The following SIX5 variants were observed in gnomAD, a reference collection of about 807,000 sequenced individuals.
The protein encoded by SIX5 is SIX homeobox 5.
In SIX5, 21 loss-of-function variants were observed where a neutral mutation model predicts 37.1. The ratio of observed to expected loss-of-function variants is 0.57; its 90% CI spans 0.40 to 0.81. SIX5 has a LOEUF of 0.81. Ranked by LOEUF, SIX5 falls within the 40% of genes least tolerant of loss-of-function variation. The pLI, the probability that SIX5 is intolerant of heterozygous loss-of-function variation, is 0.00. For synonymous variants in SIX5, 626 were observed against 505.9 expected, an observed-to-expected ratio of 1.24 and a Z score of -3.19; for missense variants, 1,137 against 1,025.1, an observed-to-expected ratio of 1.11 and a Z score of -1.49.
In SIX5 at chr19:45,768,776, C is replaced by T. The variant is rs1019103419; in HGVS notation, c.69G>A (p.Ala23=). 1.3e-6 allele frequency: 2 copies of T among 1,528,380 alleles called. No individual in the cohort carries two copies. The highest frequency in any genetic ancestry group is 8.7e-7 in the Non-Finnish European group (1 of 1,143,666). The allele number at this position is 1,528,380 out of a possible 1,614,324, so 94.7% of individuals were successfully genotyped here. The stretch of plus-strand genomic sequence containing the variant: ...CTTCCTCCTCCTCCTCTTCGGTCGC[C>T]GCCGCCGCCGCCACCGCCTCCCCCC... ...AAGGEAVAAA[A]ATEEEEEEAR... The change falls in exon 1 of 3, where the codon GCG becomes GCA. Residue 23 remains alanine (A), a synonymous_variant. Coordinates refer to ENST00000317578, the MANE Select transcript of SIX5 (RefSeq NM_175875.5).
In SIX5 at chr19:45,766,330, A is replaced by G; in HGVS notation, c.1609+20T>C. The stretch of plus-strand genomic sequence containing the variant: ...CCTCCCCGGCTCTCACCTAGGCCTG[A>G]GGGAGGGAGATGGGGGTACCTGGGG... On this transcript the variant is annotated intron_variant, in intron 2 of 2. Transcript: ENST00000317578. 6.4e-7 allele frequency: 1 copy of G among 1,564,770 alleles called. No homozygotes were observed.
rs112320524 is a variant in SIX5 at position 45,765,548 on chromosome 19, G to A, written c.2173C>T (p.Leu725=). 503 of 1,613,474 alleles carry A rather than the reference G, an allele frequency of 3.1e-4. 2 individuals carry two copies. In the African/African-American group the frequency reaches 5.8e-3, roughly 19 times the overall value. The change falls in exon 3 of 3, where the codon CTG becomes TTG. Residue 725 remains leucine, a synonymous_variant. Transcript: ENST00000317578. ...DEGLEAEAKV[L]TQLQSVPVEE... is the part of the protein sequence containing the mutation. ...ACAGGCACCGACTGGAGCTGGGTCA[G>A]AACCTTGGCCTCAGCTTCCAACCCC... is the stretch of plus-strand genomic sequence containing the variant.
Position 45,765,625 on chromosome 19 carries a change from G to T in SIX5, c.2096C>A (p.Pro699His), listed in dbSNP as rs1375477111. ...APHTVLRLPD[P>H]DPEGLLLGAT... ...CCCCAGGAGCAGCCCCTCAGGGTCG[G>T]GGTCTGGCAGCCTCAGCACGGTGTG... The change falls in exon 3 of 3, where the codon CCC becomes CAC. Residue 699 changes from proline (P) to histidine (H), a missense_variant. By Grantham distance (77) the Pro-to-His change is moderately conservative (BLOSUM62 -2). This residue lies in a region of SIX5 where 787 missense variants were observed against 621.4 expected (regional missense o/e 1.27). Coordinates refer to ENST00000317578, the MANE Select transcript of SIX5 (RefSeq NM_175875.5). The T allele has an allele frequency of 6.2e-7, 1 of 1,612,724 alleles. No homozygotes were observed. The highest frequency in any genetic ancestry group is 8.5e-7 in the Non-Finnish European group (1 of 1,179,556).
Position 45,768,488 on chromosome 19 carries a change from G to C in SIX5, c.357C>G (p.Arg119=). ...GCAACACCGGGTCGCTGCCACGTAG[G>C]CGCTCGGCCGGGGGCAGTGCGCCCA... ...RFLGALPPAE[R]LRGSDPVLRA... Residue 119 remains arginine, a synonymous_variant, in exon 1 of 3, where the codon CGC becomes CGG. Transcript: ENST00000317578. The C allele has an allele frequency of 1.3e-6, 2 of 1,522,120 alleles. No individual in the cohort carries two copies. Among genetic ancestry groups the C allele is most frequent in the Non-Finnish European group, 1.8e-6 (2 of 1,141,228 alleles). The allele number at this position is 1,522,120 out of a possible 1,614,324, so 94.3% of individuals were successfully genotyped here.
At position 45,767,082 on chromosome 19, in the gene SIX5, G is replaced by C. The variant is rs939927957; in HGVS notation, c.877C>G (p.Pro293Ala). ...TGGGCAGCGGCCTCGGCGGACACTG[G>C]GGCCGCCCCTCTCTCCAGGTCCTCA... ...SPEDLERGAA[P>A]VSAEAAAQGS... Residue 293 changes from proline (P) to alanine (A), a missense_variant, in exon 2 of 3, where the codon CCA becomes GCA. Around this residue, in one of 3 missense-constraint regions of SIX5, gnomAD observed 787 missense variants for 621.4 expected, o/e 1.27. Coordinates refer to ENST00000317578, the MANE Select transcript of SIX5 (RefSeq NM_175875.5). The C allele has an allele frequency of 2.5e-6, 4 of 1,609,732 alleles. No individual in the cohort carries two copies. The highest frequency in any genetic ancestry group is 3.3e-5 in the Admixed American group (2 of 59,970).
In SIX5 at chr19:45,766,618, A is replaced by G. The variant is rs1969080372; in HGVS notation, c.1341T>C (p.Ala447=). ...GCGGTACCACTTGTGGGGCAGCCAC[A>G]GCAGGCACTGGCCCCGGGGGCAGAG... ...TFPLPPGPVP[A]VAAPQVVPLS... is the part of the protein sequence containing the mutation. The change falls in exon 2 of 3, where the codon GCT becomes GCC. Residue 447 remains alanine, a synonymous_variant. Coordinates refer to ENST00000317578, the MANE Select transcript of SIX5 (RefSeq NM_175875.5). The G allele has an allele frequency of 6.8e-7, 1 of 1,471,330 alleles. No homozygotes were observed. The highest frequency in any genetic ancestry group is 1.4e-5 in the African/African-American group (1 of 70,700). The allele number at this position is 1,471,330 out of a possible 1,614,324, so 91.1% of individuals were successfully genotyped here.
At position 45,766,386 on chromosome 19, in the gene SIX5, C is replaced by T. The variant is rs756098782; in HGVS notation, c.1573G>A (p.Val525Met). Residue 525 changes from valine (V) to methionine (M), a missense_variant, in exon 2 of 3, where the codon GTG (valine) becomes ATG (methionine). Val to Met is a conservative substitution (Grantham distance 21). Transcript: ENST00000317578. The part of the protein sequence containing the change: ...NVHLINSGVG[V>M]TALQLPSATA... ...GCCGAAGGCAGCTGCAGGGCAGTCACGCCCACCCCGGAGTTGATGAGGTGC... is the reference window on the plus strand; with the variant it reads ...GCCGAAGGCAGCTGCAGGGCAGTCATGCCCACCCCGGAGTTGATGAGGTGC... The T allele has an allele frequency of 1.9e-5, 31 of 1,590,042 alleles. No homozygotes were observed. Among genetic ancestry groups the T allele is most frequent in the Non-Finnish European group, 3.4e-6 (4 of 1,169,700 alleles).
rs917443476 is a variant in SIX5, at chr19:45,768,534, G to C, written c.311C>G (p.Ala104Gly). ...GCCCAGGAAGCGGCTCAAGCGGCCG[G>C]CGTGGCCCGCCTGGAGCAGCGCCTC... ...VCEALLQAGH[A>G]GRLSRFLGAL... is the part of the protein sequence containing the mutation. The change falls in exon 1 of 3, where the codon GCC becomes GGC. Residue 104 changes from alanine (A) to glycine (G), a missense_variant. Ala to Gly is a moderately conservative substitution (Grantham distance 60). Coordinates refer to ENST00000317578, the MANE Select transcript of SIX5 (RefSeq NM_175875.5). The C allele has an allele frequency of 1.4e-6, 2 of 1,424,616 alleles. No individual in the cohort carries two copies. Among genetic ancestry groups the C allele is most frequent in the African/African-American group, 3.0e-5 (2 of 66,252 alleles). The allele number at this position is 1,424,616 out of a possible 1,614,324, so 88.2% of individuals were successfully genotyped here. A position where few individuals can be genotyped will look rare whatever the true frequency, so the allele number is the denominator to read the frequency against.
At position 45,768,954 on chromosome 19, in the gene SIX5, A is replaced by G. The variant is rs976090852; in HGVS notation, c.-110T>C. 1 of 1,043,104 alleles carries G rather than the reference A, an allele frequency of 9.6e-7. No individual in the cohort carries two copies. Among genetic ancestry groups the G allele is most frequent in the Non-Finnish European group, 1.3e-6 (1 of 752,490 alleles). The allele number at this position is 1,043,104 out of a possible 1,614,324, so 64.6% of individuals were successfully genotyped here. A position where few individuals can be genotyped will look rare whatever the true frequency, so the allele number is the denominator to read the frequency against. On this transcript the variant is annotated 5_prime_UTR_variant, in exon 1 of 3. Coordinates refer to ENST00000317578, the MANE Select transcript of SIX5 (RefSeq NM_175875.5). ...TCGCCCCCACTCCCCGCTCTTCTCG[A>G]TCTTCTTTCTGGCCGACCCTGCGCC...
intron 2 of SIX5, 100 bp downstream of exon 2, chr19:45,766,250 G>A: frequency 6.7e-7 from 1 of 1,493,034 alleles, no homozygotes; most frequent in Non-Finnish European, 9.0e-7. Context: ...TGCCAGGGAT[G>A]AGATGCCCTC....
Position 45,769,013 on chromosome 19 carries a change from C to A in SIX5, c.-169G>T, listed in dbSNP as rs1178943291. 1 of 632,590 alleles carries A rather than the reference C, an allele frequency of 1.6e-6. No homozygotes were observed. Among genetic ancestry groups the A allele is most frequent in the Non-Finnish European group, 2.7e-6 (1 of 363,916 alleles). 39.2% of individuals were successfully genotyped at this position (632,590 alleles called of 1,614,324 possible). On this transcript the variant is annotated 5_prime_UTR_variant, in exon 1 of 3. Transcript: ENST00000317578. ...GGAAGGCGAGATCCAGCTCTCCACT[C>A]GGGTCTCTGTCCCCTTGTGTGTGTC...
intron 1 of SIX5, chr19:45,767,708 C>T (rs1034290018): frequency 2.4e-6 from 1 of 411,078 alleles, no homozygotes; most frequent in African/African-American, 2.1e-5. Flanking sequence ...GGAGGCAGCC[C>T]CTACGCGGAG....
Position 45,768,325 on chromosome 19 carries a change from G to C in SIX5, c.520C>G (p.Arg174Gly). Reference protein sequence around the residue: ...YLRARYHEAERARGRALGAVD... With the variant: ...YLRARYHEAEGARGRALGAVD... Reference sequence around the variant, plus strand: ...GCGCCAAGCGCGCGGCCGCGGGCCCGCTCGGCCTCATGGTAGCGCGCGCGC... The same window carrying C: ...GCGCCAAGCGCGCGGCCGCGGGCCCCCTCGGCCTCATGGTAGCGCGCGCGC... Residue 174 changes from arginine (R) to glycine (G), a missense_variant, in exon 1 of 3, where the codon CGG becomes GGG. Transcript: ENST00000317578. 3 of 1,605,994 alleles carry C rather than the reference G, an allele frequency of 1.9e-6. No individual in the cohort carries two copies. Among genetic ancestry groups the C allele is most frequent in the East Asian group, 4.5e-5 (2 of 44,630 alleles).
chr19:45,768,801 CCA>C lies in SIX5; in HGVS notation c.42_43del (p.Glu17GlyfsTer28). 1 of 1,530,144 alleles carries C rather than the reference CCA, an allele frequency of 6.5e-7. No individual in the cohort carries two copies. Among genetic ancestry groups the C allele is most frequent in the Non-Finnish European group, 8.7e-7 (1 of 1,144,386 alleles). The allele number at this position is 1,530,144 out of a possible 1,614,324, so 94.8% of individuals were successfully genotyped here. On this transcript the variant is annotated frameshift_variant, in exon 1 of 3. Coordinates refer to ENST00000317578, the MANE Select transcript of SIX5 (RefSeq NM_175875.5). LOFTEE classifies it high-confidence loss of function. ...CGCCGCCGCCGCCACCGCCTCCCCC[CCA>C]GCCGCCGGCCCCGCGCTCGGCTCCG...
Position 45,768,466 on chromosome 19 carries a change from A to G in SIX5, c.379T>C (p.Leu127=). Residue 127 remains leucine, a synonymous_variant, in exon 1 of 3, where the codon TTG becomes CTG. Transcript: ENST00000317578. ...AAGGCCACCAGGGCCCGCGCGCGCA[A>G]CACCGGGTCGCTGCCACGTAGGCGC... ...AERLRGSDPV[L]RARALVAFQR... 6.5e-7 allele frequency: 1 copy of G among 1,527,460 alleles called. No individual in the cohort carries two copies. The highest frequency in any genetic ancestry group is 8.7e-7 in the Non-Finnish European group (1 of 1,143,566). The allele number at this position is 1,527,460 out of a possible 1,614,324, so 94.6% of individuals were successfully genotyped here.
chr19:45,764,912 G>A lies in SIX5; in HGVS notation c.*589C>T, dbSNP rs529739397. On this transcript the variant is annotated 3_prime_UTR_variant, in exon 3 of 3. Transcript: ENST00000317578. ...GCCCCCAGGGATGAGGGAATCTTTG[G>A]TCTGGGCCGGATAATGAGGACAAGG... 144 of 163,026 alleles carry A rather than the reference G, an allele frequency of 8.8e-4. No individual in the cohort carries two copies. Among genetic ancestry groups the A allele is most frequent in the Middle Eastern group, 6.5e-3 (2 of 310 alleles). 10.1% of individuals were successfully genotyped at this position (163,026 alleles called of 1,614,324 possible).
intron 2 of SIX5, 83 bp downstream of exon 2, chr19:45,766,267 C>T (rs1047203313): frequency 8.7e-6 from 13 of 1,496,720 alleles, no homozygotes; most frequent in Non-Finnish European, 1.2e-5. Flanking sequence ...CCTCCAGGAG[C>T]CCAGGGACAG....
In SIX5 at chr19:45,765,594, G is replaced by A. The variant is rs777719463; in HGVS notation, c.2127C>T (p.Thr709=). 17 of 1,613,206 alleles carry A rather than the reference G, an allele frequency of 1.1e-5. No individual in the cohort carries two copies. The highest frequency in any genetic ancestry group is 2.7e-5 in the African/African-American group (2 of 74,934). The change falls in exon 3 of 3, where the codon ACC becomes ACT. Residue 709 remains threonine (T), a synonymous_variant. Transcript: ENST00000317578. ...ACCCCTCGTCAACCTCACCCCCTGC[G>A]GTGGCCCCCAGGAGCAGCCCCTCAG... ...PDPEGLLLGA[T]AGGEVDEGLE...
Position 45,769,069 on chromosome 19 carries a change from CTT to C in SIX5, c.-227_-226del, listed in dbSNP as rs1225314610. 11 of 507,990 alleles carry C rather than the reference CTT, an allele frequency of 2.2e-5. No individual in the cohort carries two copies. Among genetic ancestry groups the C allele is most frequent in the Admixed American group, 3.5e-5 (1 of 28,344 alleles). 31.5% of individuals were successfully genotyped at this position (507,990 alleles called of 1,614,324 possible). A position where few individuals can be genotyped will look rare whatever the true frequency, so the allele number is the denominator to read the frequency against. On this transcript the variant is annotated 5_prime_UTR_variant, in exon 1 of 3. Coordinates refer to ENST00000317578, the MANE Select transcript of SIX5 (RefSeq NM_175875.5). ...CCCTCCCGTCTGTCTGTGATTCTCCCTTTGTTTTCCCTCCGCCTCTGGCCGCG... is the reference window on the plus strand; with the variant it reads ...CCCTCCCGTCTGTCTGTGATTCTCCCTGTTTTCCCTCCGCCTCTGGCCGCG...
Sources: allele counts gnomAD v4.1 joint callset, GRCh38; gene constraint gnomAD v4.1.1; regional missense constraint gnomAD v4.1.1; transcripts MANE v1.5; gene names NCBI Gene and HGNC (gene_info 2026-07-23, HGNC 2026-07-21).